Variants in CADM2 observed in about 807,000 individuals in gnomAD.
The protein encoded by CADM2 is immunoglobulin superfamily member 4D.
CADM2 carries 12 observed loss-of-function variants against 49.8 expected under a neutral mutation model. The ratio of observed to expected loss-of-function variants is 0.24; its 90% CI spans 0.15 to 0.39. The LOEUF is 0.39. Ranked by LOEUF, CADM2 falls within the 10% of genes least tolerant of loss-of-function variation. The pLI is 1.00. For synonymous variants in CADM2, 214 were observed against 175.4 expected (o/e 1.22, Z -1.74); for missense variants, 378 against 492.3 (o/e 0.77, Z 2.20).
intron 1 of CADM2, among the ~76,000 whole-genome samples, chr3:85,688,065 C>A (rs1180702465): frequency 6.6e-6 from 1 of 152,034 alleles, no homozygotes; most frequent in Non-Finnish European, 1.5e-5. Flanking sequence ...CCCCAGCAAC[C>A]CACCCAATGT....
At chr3:85,300,030 A>G (rs1051607101) in intron 1 of CADM2, among the ~76,000 whole-genome samples, 1 of 152,084 alleles carries the variant, frequency 6.6e-6, no homozygotes, top group African/African-American at 2.4e-5. Context: ...ATTATTTACA[A>G]CTATCTTTTA....
At chr3:85,666,307 A>G (rs2065565727) in intron 1 of CADM2, among the ~76,000 whole-genome samples, 1 of 151,922 alleles carries the variant, frequency 6.6e-6, no homozygotes, top group Non-Finnish European at 1.5e-5. Flanking sequence ...CTCACTGCGA[A>G]ATTGTTGCAG....
chr3:85,104,558 T>G (rs9859321), intron 1 of CADM2, among the ~76,000 whole-genome samples: 2 of 152,168 alleles, frequency 1.3e-5, no homozygotes, highest in Non-Finnish European at 2.9e-5. Flanking sequence ...TGCGGGCTCT[T>G]TTTTGGAACC....
chr3:85,279,563 T>G (rs1455471072), intron 1 of CADM2, among the ~76,000 whole-genome samples: 4 of 151,538 alleles, frequency 2.6e-5, no homozygotes, highest in African/African-American at 9.7e-5. Flanking sequence ...CCTGCATGTT[T>G]TTAAGTTTTT....
chr3:85,825,538 G>A (rs1042051649), intron 3 of CADM2, among the ~76,000 whole-genome samples: 2 of 151,990 alleles, frequency 1.3e-5, no homozygotes, highest in Admixed American at 1.3e-4. Flanking sequence ...CATTCCATAA[G>A]GATCAGTTGC....
At chr3:85,999,270 T>TGGG (rs1559791853) in intron 8 of CADM2, among the ~76,000 whole-genome samples, 4 of 134,140 alleles carry the variant, frequency 3.0e-5, no homozygotes, top group Non-Finnish European at 3.1e-5. Context: ...AGGCCGAGGG[T>TGGG]TGGGGGGTGG....
At chr3:86,060,162 A>G (rs1267248626) in intron 8 of CADM2, among the ~76,000 whole-genome samples, 1 of 152,112 alleles carries the variant, frequency 6.6e-6, no homozygotes, top group Admixed American at 6.6e-5. Flanking sequence ...GAAAACAATA[A>G]TGAACATGAT....
At chr3:85,157,444 A>G (rs983628555) in intron 1 of CADM2, among the ~76,000 whole-genome samples, 1 of 152,124 alleles carries the variant, frequency 6.6e-6, no homozygotes, top group Non-Finnish European at 1.5e-5. Flanking sequence ...AAACTATACT[A>G]CCAGCCTAGA....
At chr3:86,040,199 C>G (rs1391743564) in intron 8 of CADM2, among the ~76,000 whole-genome samples, 1 of 152,152 alleles carries the variant, frequency 6.6e-6, no homozygotes, top group Non-Finnish European at 1.5e-5. Context: ...AAGGAACACA[C>G]CTCCTCACCA....
In CADM2 at chr3:85,243,554, A is replaced by G. The variant is rs950157195; in HGVS notation, c.61+283886A>G. The stretch of plus-strand genomic sequence containing the variant: ...TAATAATACTTTGCATTTGTGAAGT[A>G]CTTTATGCTCTTCAACGTAATTTTG... On this transcript the variant is annotated intron_variant, in intron 1 of 9. Coordinates refer to ENST00000383699, the MANE Select transcript of CADM2 (RefSeq NM_001167675.2). Among the ~76,000 whole-genome samples, 3 of 152,070 alleles carry G rather than the reference A, an allele frequency of 2.0e-5. No homozygotes were observed. In the South Asian group the frequency reaches 6.2e-4, roughly 31 times the overall value.
In CADM2 at chr3:85,973,679, A is replaced by G. The variant is rs1350995220; in HGVS notation, c.970+12032A>G. On this transcript the variant is annotated intron_variant, in intron 8 of 9. Transcript: ENST00000383699. Reference sequence around the variant, plus strand: ...TATGTAAACTAGAGCAAATTTGAAAATGTTATTATAACATCGCACATTTTT... The same window carrying G: ...TATGTAAACTAGAGCAAATTTGAAAGTGTTATTATAACATCGCACATTTTT... Among the ~76,000 whole-genome samples, 4 of 151,748 alleles carry G rather than the reference A, an allele frequency of 2.6e-5. No homozygotes were observed. The South Asian group carries it at 8.3e-4, about 31-fold the overall frequency.
Position 85,133,914 on chromosome 3 carries a change from G to A in CADM2, c.61+174246G>A, listed in dbSNP as rs1191577055. Among the ~76,000 whole-genome samples the A allele has an allele frequency of 4.4e-4, 67 of 152,214 alleles. 1 individual carries two copies. The highest frequency in any genetic ancestry group is 1.5e-5 in the Non-Finnish European group (1 of 68,036). ...GACTGGGCGCCGTGGAGCAGGGGGC[G>A]GCGCTCGTCGGGGAGGCTCAGGCCG... On this transcript the variant is annotated intron_variant, in intron 1 of 9. Transcript: ENST00000383699.
chr3:84,991,372 T>G (rs139264094), intron 1 of CADM2, among the ~76,000 whole-genome samples: 72 of 152,178 alleles, frequency 4.7e-4, no homozygotes, highest in Middle Eastern at 3.4e-3. Flanking sequence ...GGGGGCAAAA[T>G]TGTGAAACAA....
intron 1 of CADM2, among the ~76,000 whole-genome samples, chr3:85,607,708 G>A (rs1161049821): frequency 6.6e-6 from 1 of 151,370 alleles, no homozygotes. Context: ...CCAGGCTGGA[G>A]TGCAGTGGCG....
chr3:85,605,695 T>C (rs1438489378), intron 1 of CADM2, among the ~76,000 whole-genome samples: 3 of 152,060 alleles, frequency 2.0e-5, no homozygotes, highest in Non-Finnish European at 2.9e-5. Context: ...TCACCACCTG[T>C]AATTGTAAGA....
In CADM2 at chr3:85,692,149, AAAG is replaced by A. The variant is rs537172237; in HGVS notation, c.62-34371_62-34369del. The stretch of plus-strand genomic sequence containing the variant: ...ATTAAAAAATAAAATTAAATTAAAA[AAAG>A]AGATACTGCCTCTCTCCTGAGAAAG... On this transcript the variant is annotated intron_variant, in intron 1 of 9. Transcript: ENST00000383699. 4.9e-3 allele frequency among the ~76,000 whole-genome samples: 739 copies of A among 152,278 alleles called. 2 individuals are homozygous for A. The highest frequency in any genetic ancestry group is 7.2e-3 in the Non-Finnish European group (488 of 68,010).
At chr3:85,287,299 G>C (rs1379368119) in intron 1 of CADM2, among the ~76,000 whole-genome samples, 1 of 151,232 alleles carries the variant, frequency 6.6e-6, no homozygotes, top group East Asian at 1.9e-4. Flanking sequence ...TTTCAAGTTG[G>C]CCATACTGAC....
intron 1 of CADM2, among the ~76,000 whole-genome samples, chr3:85,478,914 C>T (rs1252660681): frequency 6.6e-6 from 1 of 151,774 alleles, no homozygotes; most frequent in Non-Finnish European, 1.5e-5. Flanking sequence ...TGATGACTTC[C>T]ATAAGTTATG....
At chr3:85,342,792 A>G (rs1306618936) in intron 1 of CADM2, among the ~76,000 whole-genome samples, 1 of 152,168 alleles carries the variant, frequency 6.6e-6, no homozygotes, top group Non-Finnish European at 1.5e-5. Context: ...TCAATTATAC[A>G]TGGAGTATTG....
Sources: gnomAD v4.1 joint callset for allele counts (sites outside exome capture counted in the v4.1 genomes callset) on GRCh38, gnomAD v4.1.1 for gene constraint, MANE v1.5 for transcripts, NCBI Gene and HGNC (gene_info 2026-07-23, HGNC 2026-07-21) for gene names.